Variants in SATB2 observed in about 807,000 individuals in gnomAD.
SATB2 encodes DNA-binding protein SATB2.
A neutral mutation model predicts 73.4 loss-of-function variants in SATB2; 1 was observed. The observed-to-expected ratio is 0.01, with a 90% CI of 0.00 to 0.06. The LOEUF (loss-of-function observed/expected upper bound fraction) is 0.06. SATB2 is among the 10% of genes least tolerant of loss of function. SATB2 has a pLI of 1.00. For synonymous variants in SATB2, 397 were observed against 367.0 expected (o/e 1.08, Z -0.93); for missense variants, 459 against 945.8 (o/e 0.49, Z 6.75).
At chr2:199,428,009 A>G (rs1435165692) in intron 3 of SATB2, among the ~76,000 whole-genome samples, 1 of 152,078 alleles carries the variant, frequency 6.6e-6, no homozygotes, top group Non-Finnish European at 1.5e-5. Flanking sequence ...CATTGTTTCC[A>G]GTTCATAGAT....
chr2:199,315,306 T>G (rs1687700219), intron 9 of SATB2, among the ~76,000 whole-genome samples: 1 of 152,094 alleles, frequency 6.6e-6, no homozygotes, highest in African/African-American at 2.4e-5. Context: ...GATTAAAATA[T>G]TTCAAGTCCA....
intron 2 of SATB2, among the ~76,000 whole-genome samples, chr2:199,440,514 A>G (rs1436692531): frequency 6.6e-6 from 1 of 152,210 alleles, no homozygotes; most frequent in African/African-American, 2.4e-5. Flanking sequence ...GTATAATAAG[A>G]AACAGTAGAA....
At chr2:199,388,274 G>A (rs1055243171) in intron 3 of SATB2, among the ~76,000 whole-genome samples, 15 of 152,248 alleles carry the variant, frequency 9.9e-5, no homozygotes, top group African/African-American at 3.6e-4. Context: ...AATATATACT[G>A]TCCCTGTAAT....
intron 7 of SATB2, among the ~76,000 whole-genome samples, chr2:199,334,352 G>A (rs184354393): frequency 1.1e-4 from 16 of 152,264 alleles, no homozygotes; most frequent in Non-Finnish European, 1.6e-4. Context: ...ATATGATTCA[G>A]AACATGTTAG....
upstream of SATB2, among the ~76,000 whole-genome samples, chr2:199,466,064 C>T (rs1692586819): frequency 2.6e-5 from 4 of 152,168 alleles, no homozygotes; most frequent in Admixed American, 2.6e-4. Flanking sequence ...TAGTTCGTCT[C>T]GTTTTATGCT....
intron 7 of SATB2, among the ~76,000 whole-genome samples, chr2:199,338,971 T>C (rs1346901965): frequency 6.6e-6 from 1 of 151,334 alleles, no homozygotes; most frequent in Non-Finnish European, 1.5e-5. Flanking sequence ...TATGTCATCA[T>C]GTTTGCTTCT....
intron 10 of SATB2, among the ~76,000 whole-genome samples, chr2:199,290,218 A>C (rs1032343091): frequency 6.6e-6 from 1 of 152,228 alleles, no homozygotes; most frequent in Admixed American, 6.5e-5. Flanking sequence ...AAGCCTTCTG[A>C]GTTCTCCAAC....
chr2:199,341,796 C>A (rs1688513260), intron 7 of SATB2, among the ~76,000 whole-genome samples: 1 of 152,166 alleles, frequency 6.6e-6, no homozygotes. Flanking sequence ...TGGCGTGGAC[C>A]TATAATCTGG....
At chr2:199,424,669 T>C (rs1691274843) in intron 3 of SATB2, among the ~76,000 whole-genome samples, 3 of 152,174 alleles carry the variant, frequency 2.0e-5, no homozygotes, top group Non-Finnish European at 2.9e-5. Flanking sequence ...TAACTGAAAT[T>C]ATAAGATTCA....
upstream of SATB2, among the ~76,000 whole-genome samples, chr2:199,461,227 T>C (rs1574651459): frequency 6.6e-6 from 1 of 152,364 alleles, no homozygotes; most frequent in African/African-American, 2.4e-5. Context: ...GTTTTGTCTC[T>C]AATAAAGGCC....
chr2:199,430,599 A>G (rs541016879), intron 3 of SATB2, among the ~76,000 whole-genome samples: 1 of 152,322 alleles, frequency 6.6e-6, no homozygotes, highest in South Asian at 2.1e-4. Flanking sequence ...TAGCCTTCAA[A>G]TAAAGGTTAT....
intron 2 of SATB2, among the ~76,000 whole-genome samples, chr2:199,439,326 C>T (rs1243240216): frequency 6.6e-6 from 1 of 152,242 alleles, no homozygotes; most frequent in African/African-American, 2.4e-5. Context: ...TTCGCCTCCC[C>T]TCTTTCAAAG....
At chr2:199,398,189 G>T (rs746683435) in intron 3 of SATB2, among the ~76,000 whole-genome samples, 2 of 152,134 alleles carry the variant, frequency 1.3e-5, no homozygotes, top group Admixed American at 6.6e-5. Context: ...GAGAATCTGG[G>T]TCATAGGGAA....
At position 199,463,162 on chromosome 2, in the gene SATB2, C is replaced by A. The variant is rs553623463; in HGVS notation, c.-141+1674G>T. 7.2e-5 allele frequency among the ~76,000 whole-genome samples: 11 copies of A among 152,252 alleles called. No individual in the cohort carries two copies. In the South Asian group the frequency reaches 2.3e-3, roughly 32 times the overall value. On this transcript the variant is annotated intron_variant, in intron 1 of 11. Coordinates refer to the SATB2 transcript ENST00000260926. This position sits in a 1 kb window ranked among gnomAD's most constrained non-coding sequence, Gnocchi z 6.4. The stretch of plus-strand genomic sequence containing the variant: ...ACCACCCTACCACACCAGGCAACGC[C>A]CCCCGGGGCGCCCTTCATTCTTTTG...
intron 6 of SATB2, among the ~76,000 whole-genome samples, chr2:199,355,348 CTATATATATA>C (rs72202602): frequency 0.67 from 89,797 of 134,350 alleles, 32,144 homozygotes; most frequent in Non-Finnish European, 0.78. Context: ...GTGTGTGTAT[CTATATATATA>C]TATATATATA....
At chr2:199,393,325 G>GT (rs1435155808) in intron 3 of SATB2, among the ~76,000 whole-genome samples, 1 of 152,206 alleles carries the variant, frequency 6.6e-6, no homozygotes. Context: ...CCAGTGGGCA[G>GT]TGCCAGCTTT....
At chr2:199,403,280 T>G (rs574057579) in intron 3 of SATB2, among the ~76,000 whole-genome samples, 2 of 152,250 alleles carry the variant, frequency 1.3e-5, no homozygotes, top group African/African-American at 4.8e-5. Flanking sequence ...CATGACAAAA[T>G]GATTAATATT....
chr2:199,374,692 A>C (rs1004908291), intron 5 of SATB2, among the ~76,000 whole-genome samples: 14 of 152,158 alleles, frequency 9.2e-5, no homozygotes, highest in Non-Finnish European at 1.5e-5. Context: ...GGCTAGGTGC[A>C]ATGGCTTATG....
At chr2:199,315,389 T>G (rs1279955460) in intron 9 of SATB2, among the ~76,000 whole-genome samples, 2 of 152,044 alleles carry the variant, frequency 1.3e-5, no homozygotes, top group East Asian at 3.9e-4. Context: ...GGGAGGCCTT[T>G]CACAAAACAA....
Sources: allele counts gnomAD v4.1 joint callset (sites outside exome capture counted in the v4.1 genomes callset), GRCh38; gene constraint gnomAD v4.1.1; non-coding constraint Gnocchi (gnomAD v3.1); transcripts MANE v1.5; gene names NCBI Gene and HGNC (gene_info 2026-07-23, HGNC 2026-07-21).